The following CDKAL1 variants were observed in gnomAD, a reference collection of about 807,000 sequenced individuals.
CDKAL1 encodes the protein threonylcarbamoyladenosine tRNA methylthiotransferase.
A neutral mutation model predicts 68.2 loss-of-function variants in CDKAL1; 32 were observed. That is an observed-to-expected ratio of 0.47 (90% CI 0.35 to 0.63). The LOEUF (loss-of-function observed/expected upper bound fraction) is 0.63. Among genes scored for constraint, CDKAL1 ranks in the 30% least tolerant of loss-of-function variants. The probability of loss-of-function intolerance (pLI) is 0.00; values close to 1 mark genes in which losing one functional copy is unlikely to be tolerated. For synonymous variants in CDKAL1, 234 were observed against 244.3 expected (o/e 0.96, Z 0.39); for missense variants, 606 against 696.7 (o/e 0.87, Z 1.47).
intron 8 of CDKAL1, among the ~76,000 whole-genome samples, chr6:20,798,933 AAG>A (rs1776235447): frequency 1.3e-5 from 2 of 150,154 alleles, no homozygotes; most frequent in Admixed American, 1.3e-4. Context: ...AAAAAAAAAA[AAG>A]AAAAGAAAAT....
intron 9 of CDKAL1, among the ~76,000 whole-genome samples, chr6:20,896,811 C>A (rs1352599669): frequency 6.6e-6 from 1 of 152,056 alleles, no homozygotes; most frequent in East Asian, 1.9e-4. Flanking sequence ...CCTCCCTCCC[C>A]ACTCCCTACC....
rs576389746 is a variant in CDKAL1 at position 20,767,632 on chromosome 6, T to G, written c.517+8989T>G. ...AATTGTATTTGATAATTGGAATAATTAATTAGGTGTAGGATAAACTTTTCT... is the reference window on the plus strand; with the variant it reads ...AATTGTATTTGATAATTGGAATAATGAATTAGGTGTAGGATAAACTTTTCT... On this transcript the variant is annotated intron_variant, in intron 7 of 15. Transcript: ENST00000274695. 1.4e-4 allele frequency among the ~76,000 whole-genome samples: 21 copies of G among 152,280 alleles called. No homozygotes were observed. In the South Asian group the frequency reaches 2.1e-3, roughly 15 times the overall value.
At chr6:21,153,163 G>A (rs750991437) in intron 13 of CDKAL1, among the ~76,000 whole-genome samples, 1 of 145,236 alleles carries the variant, frequency 6.9e-6, no homozygotes, top group Non-Finnish European at 1.5e-5. Flanking sequence ...TTCTAATAGT[G>A]TTTTGACATG....
intron 13 of CDKAL1, among the ~76,000 whole-genome samples, chr6:21,197,118 A>G (rs1778503686): frequency 7.1e-6 from 1 of 141,516 alleles, no homozygotes. Context: ...AGATCATGCC[A>G]CTGAACTCTA....
intron 9 of CDKAL1, among the ~76,000 whole-genome samples, chr6:20,941,366 A>G (rs1763965821): frequency 3.9e-5 from 6 of 152,188 alleles, no homozygotes; most frequent in Admixed American, 3.9e-4. Flanking sequence ...TTGGCATTAA[A>G]AACAATTATG....
At chr6:20,650,720 T>C (rs558466171) in intron 5 of CDKAL1, among the ~76,000 whole-genome samples, 275 of 152,298 alleles carry the variant, frequency 1.8e-3, no homozygotes, top group Non-Finnish European at 2.6e-3. Flanking sequence ...CATCTTGAGT[T>C]AATTTTTGTA....
chr6:21,111,280 T>C lies in CDKAL1; in HGVS notation c.1299+2817T>C, dbSNP rs1438172398. Among the ~76,000 whole-genome samples, 12 of 152,214 alleles carry C rather than the reference T, an allele frequency of 7.9e-5. 1 individual carries two copies. Among genetic ancestry groups the C allele is most frequent in the Admixed American group, 7.9e-4 (12 of 15,276 alleles). On this transcript the variant is annotated intron_variant, in intron 13 of 15. Transcript: ENST00000274695. ...AAAGAATAGTCAGCATTTTAGTGGA[T>C]TCATCATGCTGAGTAAACTCAGAAA...
intron 9 of CDKAL1, among the ~76,000 whole-genome samples, chr6:20,915,496 A>C (rs928498975): frequency 6.6e-6 from 1 of 152,206 alleles, no homozygotes; most frequent in Non-Finnish European, 1.5e-5. Flanking sequence ...CAGCTGATTG[A>C]AAGAGGCCCA....
chr6:20,786,258 C>T (rs1335969091), intron 8 of CDKAL1, among the ~76,000 whole-genome samples: 1 of 151,966 alleles, frequency 6.6e-6, no homozygotes, highest in Non-Finnish European at 1.5e-5. Flanking sequence ...CATAAAAGTA[C>T]ATCAGTTGCT....
At chr6:20,678,940 C>T (rs1039641852) in intron 5 of CDKAL1, among the ~76,000 whole-genome samples, 3 of 152,094 alleles carry the variant, frequency 2.0e-5, no homozygotes, top group Non-Finnish European at 4.4e-5. Flanking sequence ...TCCTCATACC[C>T]AGTCTGGAGT....
intron 12 of CDKAL1, among the ~76,000 whole-genome samples, chr6:21,081,977 T>C (rs1384955971): frequency 1.4e-5 from 2 of 144,286 alleles, no homozygotes; most frequent in African/African-American, 2.5e-5. Context: ...ATACATGTAG[T>C]TCCAAGTATA....
At chr6:20,927,756 T>C (rs1763247781) in intron 9 of CDKAL1, among the ~76,000 whole-genome samples, 1 of 152,178 alleles carries the variant, frequency 6.6e-6, no homozygotes, top group Admixed American at 6.6e-5. Context: ...TAATGTTTTT[T>C]TTTCCCCCAA....
intron 4 of CDKAL1, among the ~76,000 whole-genome samples, chr6:20,572,881 G>GA (rs1226676343): frequency 6.6e-6 from 1 of 151,920 alleles, no homozygotes; most frequent in Admixed American, 6.6e-5. Context: ...TTTAAAAAAA[G>GA]AAAAAAACTA....
intron 13 of CDKAL1, among the ~76,000 whole-genome samples, chr6:21,141,168 T>G (rs1339028933): frequency 6.6e-6 from 1 of 152,200 alleles, no homozygotes; most frequent in African/African-American, 2.4e-5. Context: ...CCTTGCACGC[T>G]ATATTTAATC....
intron 11 of CDKAL1, among the ~76,000 whole-genome samples, chr6:21,047,746 G>A (rs186308309): frequency 6.6e-6 from 1 of 152,276 alleles, no homozygotes; most frequent in East Asian, 1.9e-4. Context: ...GGACATCATA[G>A]AGGTACAAAG....
chr6:20,666,971 A>G (rs1769578150), intron 5 of CDKAL1, among the ~76,000 whole-genome samples: 1 of 150,824 alleles, frequency 6.6e-6, no homozygotes, highest in Non-Finnish European at 1.5e-5. Flanking sequence ...TCTTTACTAT[A>G]ATAGATTTGG....
At chr6:20,741,078 T>A (rs62399291) in intron 6 of CDKAL1, among the ~76,000 whole-genome samples, 9,016 of 152,172 alleles carry the variant, frequency 0.059, 320 homozygotes, top group African/African-American at 0.1. Flanking sequence ...TGCATACATT[T>A]TGGCAACATT....
intron 5 of CDKAL1, among the ~76,000 whole-genome samples, chr6:20,694,251 A>G (rs1328354877): frequency 6.6e-6 from 1 of 152,184 alleles, no homozygotes; most frequent in Non-Finnish European, 1.5e-5. Flanking sequence ...TATGTTGCCC[A>G]GGCTGGATCT....
intron 5 of CDKAL1, among the ~76,000 whole-genome samples, chr6:20,730,843 CAAA>C (rs34407999): frequency 1.4e-4 from 16 of 116,266 alleles, no homozygotes; most frequent in Admixed American, 1.8e-4. Context: ...GACTCCGTCT[CAAA>C]AAAAAAAAAA....
Sources: gnomAD v4.1 joint callset for allele counts (sites outside exome capture counted in the v4.1 genomes callset) on GRCh38, gnomAD v4.1.1 for gene constraint, MANE v1.5 for transcripts, NCBI Gene and HGNC (gene_info 2026-07-23, HGNC 2026-07-21) for gene names.